Variants in ADAM2 observed in about 807,000 individuals in gnomAD.
ADAM2 encodes the protein disintegrin and metalloproteinase domain-containing protein 2.
In ADAM2, 101 loss-of-function variants were observed where a neutral mutation model predicts 99.3. The observed-to-expected ratio is 1.02, with a 90% CI of 0.87 to 1.20. The LOEUF is 1.20. Among genes scored for constraint, ADAM2 ranks in the 50% most tolerant of loss-of-function variants. The probability of loss-of-function intolerance (pLI) is 0.00; values close to 1 mark genes in which losing one functional copy is unlikely to be tolerated. For missense variants in ADAM2, 948 were observed against 878.7 expected (o/e 1.08, Z -1.00); for synonymous variants, 323 against 287.6 (o/e 1.12, Z -1.25).
At chr8:39,789,985 G>C (rs921383387) in intron 7 of ADAM2, among the ~76,000 whole-genome samples, 15 of 151,740 alleles carry the variant, frequency 9.9e-5, no homozygotes, top group African/African-American at 3.6e-4. Flanking sequence ...AAACCACAAA[G>C]AGAAACAAAT....
At chr8:39,761,465 A>G (rs891744794) in intron 14 of ADAM2, among the ~76,000 whole-genome samples, 184 bp from the exon 15 acceptor site, 1 of 152,244 alleles carries the variant, frequency 6.6e-6, no homozygotes, top group Non-Finnish European at 1.5e-5. Flanking sequence ...ATGTTTAAAA[A>G]TTGAAAGGAC....
chr8:39,803,206 C>T (rs567788531), intron 7 of ADAM2, among the ~76,000 whole-genome samples: 8 of 152,140 alleles, frequency 5.3e-5, no homozygotes, highest in East Asian at 1.9e-4. Context: ...TTGATCAAAC[C>T]GCTCGGTATC....
intron 12 of ADAM2, among the ~76,000 whole-genome samples, 184 bp downstream of exon 12, chr8:39,769,208 G>T (rs1802681964): frequency 6.6e-6 from 1 of 152,022 alleles, no homozygotes; most frequent in Admixed American, 6.6e-5. Flanking sequence ...GATCCACAAA[G>T]CACTGAAGCA....
intron 10 of ADAM2, among the ~76,000 whole-genome samples, chr8:39,782,950 G>T (rs373267154): frequency 2.6e-5 from 4 of 151,970 alleles, no homozygotes; most frequent in African/African-American, 9.7e-5. Flanking sequence ...TTTTGGAGAT[G>T]GAGTTAGATC....
chr8:39,815,648 G>A (rs963346702), intron 6 of ADAM2, among the ~76,000 whole-genome samples: 16 of 152,122 alleles, frequency 1.1e-4, no homozygotes, highest in African/African-American at 3.6e-4. Context: ...GGGAAATGGG[G>A]CAGGGAATTA....
chr8:39,747,328 C>T (rs1823512196), intron 18 of ADAM2, among the ~76,000 whole-genome samples: 1 of 152,154 alleles, frequency 6.6e-6, no homozygotes, highest in Non-Finnish European at 1.5e-5. Flanking sequence ...ATCCATTAAA[C>T]AAAGGCCACA....
At chr8:39,761,326 T>A in intron 14 of ADAM2, 45 bp from the exon 15 acceptor site, 1 of 1,154,344 alleles carries the variant, frequency 8.7e-7, no homozygotes, top group South Asian at 1.6e-5. Flanking sequence ...CTTATATTAA[T>A]TAAAAATAAA....
intron 2 of ADAM2, among the ~76,000 whole-genome samples, chr8:39,836,531 A>G (rs1805829154): frequency 1.3e-5 from 2 of 150,802 alleles, no homozygotes; most frequent in South Asian, 4.2e-4. Flanking sequence ...AACATCTGCT[A>G]CCAAACCAAA....
chr8:39,826,607 C>T (rs942247628), intron 3 of ADAM2, among the ~76,000 whole-genome samples: 1 of 151,680 alleles, frequency 6.6e-6, no homozygotes, highest in Non-Finnish European at 1.5e-5. Context: ...CCTGTAGTCC[C>T]AGCTACTTGG....
intron 20 of ADAM2, among the ~76,000 whole-genome samples, chr8:39,744,307 A>G (rs1406965176): frequency 6.6e-6 from 1 of 152,164 alleles, no homozygotes; most frequent in Non-Finnish European, 1.5e-5. Context: ...GATCATGTCT[A>G]TTATAAATTC....
chr8:39,761,027 A>G, intron 15 of ADAM2, 149 bp downstream of exon 15: 1 of 451,306 alleles, frequency 2.2e-6, no homozygotes, highest in Admixed American at 4.1e-5. Flanking sequence ...AGGAGAGGAG[A>G]AATGTGTCTA....
intron 7 of ADAM2, among the ~76,000 whole-genome samples, chr8:39,805,724 A>T (rs1291304268): frequency 1.3e-5 from 2 of 152,208 alleles, no homozygotes; most frequent in African/African-American, 4.8e-5. Context: ...GTAGAATGAC[A>T]TGATTTGTAG....
chr8:39,813,560 C>T (rs1444954169), intron 6 of ADAM2, among the ~76,000 whole-genome samples: 2 of 152,150 alleles, frequency 1.3e-5, no homozygotes, highest in Non-Finnish European at 2.9e-5. Flanking sequence ...GAAAATGTGG[C>T]ACATACACAC....
chr8:39,826,528 C>T (rs1366178972), intron 3 of ADAM2, among the ~76,000 whole-genome samples: 1 of 151,486 alleles, frequency 6.6e-6, no homozygotes, highest in Non-Finnish European at 1.5e-5. Context: ...TTGAGACCAT[C>T]CTGGCTAAAA....
chr8:39,796,064 TC>T (rs1219210787), intron 7 of ADAM2, among the ~76,000 whole-genome samples: 4 of 151,426 alleles, frequency 2.6e-5, no homozygotes, highest in Non-Finnish European at 5.9e-5. Flanking sequence ...TCTTTTTTTT[TC>T]CTTTATTTCT....
At chr8:39,790,319 C>T (rs551188977) in intron 7 of ADAM2, among the ~76,000 whole-genome samples, 41 of 151,710 alleles carry the variant, frequency 2.7e-4, no homozygotes, top group South Asian at 4.2e-4. Flanking sequence ...AATCAAATTG[C>T]GACACAATAG....
intron 18 of ADAM2, 109 bp downstream of exon 18, chr8:39,749,203 G>A: frequency 2.0e-6 from 2 of 997,396 alleles, no homozygotes; most frequent in Non-Finnish European, 2.9e-6. Flanking sequence ...GCAGTTTAAT[G>A]TCTAAACATA....
chr8:39,804,212 T>C (rs1804337403), intron 7 of ADAM2, among the ~76,000 whole-genome samples: 1 of 152,194 alleles, frequency 6.6e-6, no homozygotes, highest in Non-Finnish European at 1.5e-5. Flanking sequence ...TGCCCTATCA[T>C]TGTGTGCTTT....
chr8:39,750,267 T>C (rs1823676633), intron 16 of ADAM2, among the ~76,000 whole-genome samples: 1 of 152,102 alleles, frequency 6.6e-6, no homozygotes, highest in African/African-American at 2.4e-5. Context: ...GGCCATTCAG[T>C]CATTCATTAA....
Sources: gnomAD v4.1 joint callset for allele counts (sites outside exome capture counted in the v4.1 genomes callset) on GRCh38, gnomAD v4.1.1 for gene constraint, MANE v1.5 for transcripts, NCBI Gene and HGNC (gene_info 2026-07-23, HGNC 2026-07-21) for gene names.